BCLAF3: variants seen among roughly 807,000 people sequenced by gnomAD.
BCLAF3 encodes the protein transient octamer binding factor 1.
BCLAF3 carries 24 observed loss-of-function variants against 51.2 expected under a neutral mutation model. That is an observed-to-expected ratio of 0.47 (90% CI 0.34 to 0.66). BCLAF3 has a LOEUF of 0.66. Ranked by LOEUF, BCLAF3 falls within the 30% of genes least tolerant of loss-of-function variation. The pLI is 0.01. For missense variants in BCLAF3, 465 were observed against 525.1 expected, an observed-to-expected ratio of 0.89 and a Z score of 1.12; for synonymous variants, 152 against 176.6, an observed-to-expected ratio of 0.86 and a Z score of 1.10.
intron 11 of BCLAF3, among the ~76,000 whole-genome samples, chrX:19,918,912 C>A (rs1569498237): frequency 9.1e-6 from 1 of 110,397 alleles, no homozygotes; most frequent in African/African-American, 3.3e-5. Context: ...CATAACATGT[C>A]ATCTGGGTCA....
At position 19,966,347 on chromosome X, in the gene BCLAF3, T is replaced by C; in HGVS notation, c.344A>G (p.Lys115Arg). The change falls in exon 3 of 12, where the codon AAA becomes AGA. Residue 115 changes from lysine to arginine, a missense_variant. Transcript: ENST00000379682. ...TTTGTAGGGTATACCCTCTGAGTATTTGGGCATATACTGAGCTCTCCTGTT... is the reference window on the plus strand; with the variant it reads ...TTTGTAGGGTATACCCTCTGAGTATCTGGGCATATACTGAGCTCTCCTGTT... ...DSNRRAQYMP[K>R]YSEGIPYKEH... is the part of the protein sequence containing the mutation. 1 of 1,211,740 alleles carries C rather than the reference T, an allele frequency of 8.3e-7. No individual in the cohort carries two copies. The highest frequency in any genetic ancestry group is 1.1e-6 in the Non-Finnish European group (1 of 895,461).
intron 11 of BCLAF3, among the ~76,000 whole-genome samples, chrX:19,926,554 G>A (rs1351326450): frequency 9.0e-6 from 1 of 111,550 alleles, no homozygotes; most frequent in Non-Finnish European, 1.9e-5. Flanking sequence ...ACTATAAGCT[G>A]AAGCAGACAG....
At chrX:19,923,975 G>T (rs1466548140) in intron 11 of BCLAF3, among the ~76,000 whole-genome samples, 6 of 109,781 alleles carry the variant, frequency 5.5e-5, no homozygotes, top group Non-Finnish European at 1.1e-4. Flanking sequence ...CTGAGAAGCT[G>T]GGATTGTAGA....
At chrX:19,924,109 A>T (rs1444433879) in intron 11 of BCLAF3, among the ~76,000 whole-genome samples, 1 of 110,994 alleles carries the variant, frequency 9.0e-6, no homozygotes, top group African/African-American at 3.3e-5. Flanking sequence ...TGCAAGTTTG[A>T]TTTTAAACAT....
intron 11 of BCLAF3, among the ~76,000 whole-genome samples, chrX:19,920,640 C>T (rs1357850229): frequency 3.6e-5 from 4 of 109,639 alleles, no homozygotes; most frequent in Admixed American, 9.8e-5. Context: ...GCCAACATGG[C>T]GAGACCCCGT....
At chrX:19,980,037 AAAAC>A (rs1456884076) in intron 1 of BCLAF3, among the ~76,000 whole-genome samples, 6 of 112,081 alleles carry the variant, frequency 5.4e-5, no homozygotes, top group Non-Finnish European at 1.1e-4. Flanking sequence ...TGAAGAAGAA[AAAAC>A]AAACAATAGA....
intron 1 of BCLAF3, among the ~76,000 whole-genome samples, chrX:19,977,231 A>T (rs1256393664): frequency 8.9e-6 from 1 of 111,908 alleles, no homozygotes; most frequent in Non-Finnish European, 1.9e-5. Flanking sequence ...CACACATCTC[A>T]CGTTAAATCA....
chrX:19,958,618 C>A (rs1000976875), intron 4 of BCLAF3, among the ~76,000 whole-genome samples: 5 of 112,054 alleles, frequency 4.5e-5, no homozygotes, highest in African/African-American at 1.6e-4. Flanking sequence ...GTTACAATTG[C>A]CTACAGTATT....
Position 19,935,820 on chromosome X carries a change from T to A in BCLAF3, c.1939A>T (p.Arg647Ter). ...VEGNHRNTRV[R>*]PFKSNFRGGR... Reference sequence around the variant, plus strand: ...ACAACACTCAATACCTTAAAAGGTCTTACTCTTGTGTTTCGGTGGTTTCCC... The same window carrying A: ...ACAACACTCAATACCTTAAAAGGTCATACTCTTGTGTTTCGGTGGTTTCCC... The change falls in exon 10 of 12, where the codon AGA (arginine) becomes TGA (stop). Residue 647 changes from arginine (R) to a stop codon, truncating the protein, a stop_gained. Transcript: ENST00000379682. LOFTEE classifies it high-confidence loss of function. 8.3e-7 allele frequency: 1 copy of A among 1,206,858 alleles called. No individual in the cohort carries two copies. The highest frequency in any genetic ancestry group is 1.1e-6 in the Non-Finnish European group (1 of 890,986).
At chrX:19,919,856 CAA>C (rs763184612) in intron 11 of BCLAF3, among the ~76,000 whole-genome samples, 669 of 33,542 alleles carry the variant, frequency 0.02, 3 homozygotes, top group Middle Eastern at 0.038. Flanking sequence ...GACTTCGTCT[CAA>C]AAAAAAAAAA....
chrX:19,950,962 A>T, intron 7 of BCLAF3, 94 bp from the exon 8 acceptor site: 1 of 552,901 alleles, frequency 1.8e-6, no homozygotes. Flanking sequence ...GTCCTAGATA[A>T]GTTACCTTGT....
chrX:19,945,991 A>G lies in BCLAF3; in HGVS notation c.1745+4762T>C, dbSNP rs1364863144. Among the ~76,000 whole-genome samples the G allele has an allele frequency of 2.6e-4, 28 of 109,153 alleles. No homozygotes were observed. In the Admixed American group the frequency reaches 2.6e-3, roughly 10 times the overall value. The allele number at this position is 109,153 out of a possible 115,157, so 94.8% of individuals were successfully genotyped here. Reference sequence around the variant, plus strand: ...TAGTCTCGTGATGCGCCGTTTTTTAAGCCGGTCTGAAAAGCGCAATATTCG... The same window carrying G: ...TAGTCTCGTGATGCGCCGTTTTTTAGGCCGGTCTGAAAAGCGCAATATTCG... On this transcript the variant is annotated intron_variant, in intron 8 of 11. Transcript: ENST00000379682.
chrX:19,966,944 C>A (rs139191965), intron 2 of BCLAF3, among the ~76,000 whole-genome samples: 1 of 111,172 alleles, frequency 9.0e-6, no homozygotes, highest in African/African-American at 3.3e-5. Flanking sequence ...ACAGCAGGAT[C>A]CATTTTGGAA....
rs1450909335 is a variant in BCLAF3 at position 19,950,720 on chromosome X, C to A, written c.1745+33G>T. On this transcript the variant is annotated intron_variant, in intron 8 of 11. Transcript: ENST00000379682. ...AAAATATGGTAAAACCCAAAGCTCC[C>A]TGATAACAGGATGTTTGTCATCTAC... 2.9e-6 allele frequency: 3 copies of A among 1,038,064 alleles called. No homozygotes were observed. The Admixed American group carries it at 7.2e-5, about 25-fold the overall frequency. 85.5% of individuals were successfully genotyped at this position (1,038,064 alleles called of 1,213,427 possible). A position where few individuals can be genotyped will look rare whatever the true frequency, so the allele number is the denominator to read the frequency against.
chrX:19,934,528 T>C (rs1047785638), intron 10 of BCLAF3, among the ~76,000 whole-genome samples: 1 of 112,525 alleles, frequency 8.9e-6, no homozygotes, highest in Non-Finnish European at 1.9e-5. Flanking sequence ...ACATAAACCA[T>C]TGGCTAAAAA....
intron 1 of BCLAF3, among the ~76,000 whole-genome samples, chrX:19,979,832 A>T (rs1464292114): frequency 1.8e-5 from 2 of 110,990 alleles, no homozygotes; most frequent in East Asian, 5.6e-4. Context: ...GAGAGAATAA[A>T]CTCAAATTAA....
chrX:19,984,974 C>G (rs1176477683), intron 1 of BCLAF3: 1 of 111,934 alleles, frequency 8.9e-6, no homozygotes, highest in Non-Finnish European at 1.9e-5. Context: ...GGCGTGAGCC[C>G]GGCCAAAATT....
chrX:19,973,709 G>A (rs919253512), intron 1 of BCLAF3, among the ~76,000 whole-genome samples: 1 of 111,565 alleles, frequency 9.0e-6, no homozygotes, highest in Non-Finnish European at 1.9e-5. Context: ...TTCTCCTTGG[G>A]AATTCTGGGT....
chrX:19,955,050 C>T (rs1019942275), intron 5 of BCLAF3, among the ~76,000 whole-genome samples: 2 of 111,412 alleles, frequency 1.8e-5, no homozygotes, highest in Non-Finnish European at 3.8e-5. Context: ...CTTGAGTTTC[C>T]TATCTGTTTT....
Sources: gnomAD v4.1 joint callset for allele counts (sites outside exome capture counted in the v4.1 genomes callset) on GRCh38, gnomAD v4.1.1 for gene constraint, MANE v1.5 for transcripts, NCBI Gene and HGNC (gene_info 2026-07-23, HGNC 2026-07-21) for gene names.